Variants in DENND1A observed in about 807,000 individuals in gnomAD.
The protein encoded by DENND1A is DENN domain containing 1A, also known as DENN domain-containing protein 1A.
DENND1A carries 51 observed loss-of-function variants against 113.7 expected under a neutral mutation model. The ratio of observed to expected loss-of-function variants is 0.45; its 90% CI spans 0.36 to 0.57. DENND1A has a LOEUF of 0.57. Ranked by LOEUF, DENND1A falls within the 20% of genes least tolerant of loss-of-function variation. DENND1A has a pLI of 0.00. For missense variants in DENND1A, 1,258 were observed against 1,395.9 expected (o/e 0.90, Z 1.57); for synonymous variants, 565 against 570.8 (o/e 0.99, Z 0.14).
At chr9:123,762,213 A>G (rs992852608) in intron 4 of DENND1A, among the ~76,000 whole-genome samples, 1 of 152,202 alleles carries the variant, frequency 6.6e-6, no homozygotes, top group Non-Finnish European at 1.5e-5. Flanking sequence ...ACAAAAAACC[A>G]TATTTTTCAC....
intron 8 of DENND1A, among the ~76,000 whole-genome samples, chr9:123,658,488 G>A (rs2139622405): frequency 6.6e-6 from 1 of 152,214 alleles, no homozygotes; most frequent in South Asian, 2.1e-4. Flanking sequence ...ACCCTGATGA[G>A]CAATTACAGA....
intron 1 of DENND1A, among the ~76,000 whole-genome samples, chr9:123,882,498 TCTA>T (rs1848462186): frequency 6.6e-6 from 1 of 152,056 alleles, no homozygotes; most frequent in African/African-American, 2.4e-5. Context: ...ATCAGAAAAT[TCTA>T]CTGATTCTAC....
intron 5 of DENND1A, among the ~76,000 whole-genome samples, chr9:123,757,386 A>T (rs1199366294): frequency 6.6e-6 from 1 of 152,206 alleles, no homozygotes; most frequent in Non-Finnish European, 1.5e-5. Flanking sequence ...AGAAAGTCTA[A>T]CAGGCTAATT....
At chr9:123,779,093 GT>G (rs1205284326) in intron 3 of DENND1A, among the ~76,000 whole-genome samples, 1 of 152,174 alleles carries the variant, frequency 6.6e-6, no homozygotes, top group African/African-American at 2.4e-5. Context: ...AGGTCCATGG[GT>G]TTTCTTGACA....
At chr9:123,413,522 G>A (rs1030795634) in intron 19 of DENND1A, 1 of 985,468 alleles carries the variant, frequency 1.0e-6, no homozygotes, top group Non-Finnish European at 1.2e-6. Flanking sequence ...GGCAGGGCCT[G>A]TGTCCCAGTT....
intron 5 of DENND1A, among the ~76,000 whole-genome samples, chr9:123,721,695 G>T (rs1047169556): frequency 1.3e-5 from 2 of 152,198 alleles, no homozygotes; most frequent in African/African-American, 4.8e-5. Flanking sequence ...CTATAAAAAT[G>T]GGAGTTTCCC....
intron 13 of DENND1A, among the ~76,000 whole-genome samples, chr9:123,509,268 A>C (rs1032099032): frequency 6.6e-6 from 1 of 152,256 alleles, no homozygotes; most frequent in Non-Finnish European, 1.5e-5. Flanking sequence ...AAGACTTCGC[A>C]GAAGACGTTC....
At chr9:123,795,677 T>C (rs1833658621) in intron 2 of DENND1A, among the ~76,000 whole-genome samples, 3 of 152,218 alleles carry the variant, frequency 2.0e-5, no homozygotes. Context: ...GAAAATAACA[T>C]ACACTGGAAA....
At chr9:123,915,365 A>T (rs1035446018) in intron 1 of DENND1A, among the ~76,000 whole-genome samples, 1 of 152,108 alleles carries the variant, frequency 6.6e-6, no homozygotes, top group Non-Finnish European at 1.5e-5. Context: ...GAATTAACCA[A>T]AAGACAAATC....
At chr9:123,837,911 C>T (rs1841278722) in intron 2 of DENND1A, among the ~76,000 whole-genome samples, 1 of 152,166 alleles carries the variant, frequency 6.6e-6, no homozygotes, top group Non-Finnish European at 1.5e-5. Context: ...TTCTTTCATT[C>T]CTCCTATGAA....
At chr9:123,463,222 G>A (rs2048675015) in intron 13 of DENND1A, among the ~76,000 whole-genome samples, 1 of 152,186 alleles carries the variant, frequency 6.6e-6, no homozygotes, top group Non-Finnish European at 1.5e-5. Context: ...CTGAAGGACA[G>A]TAAAACACAG....
chr9:123,429,533 T>C (rs1021632438), intron 19 of DENND1A, among the ~76,000 whole-genome samples: 5 of 152,066 alleles, frequency 3.3e-5, no homozygotes, highest in African/African-American at 1.2e-4. Flanking sequence ...CCAGCCTGGG[T>C]GACACAGCAA....
chr9:123,891,817 T>C (rs1849945529), intron 1 of DENND1A, among the ~76,000 whole-genome samples: 1 of 152,078 alleles, frequency 6.6e-6, no homozygotes, highest in Non-Finnish European at 1.5e-5. Context: ...TCCATCCTTC[T>C]CTCGAACAAT....
chr9:123,468,225 A>G (rs2049113172), intron 13 of DENND1A, among the ~76,000 whole-genome samples: 1 of 152,120 alleles, frequency 6.6e-6, no homozygotes, highest in African/African-American at 2.4e-5. Flanking sequence ...TGTCACATGT[A>G]ATGTGGGTAG....
chr9:123,655,107 C>T (rs577911369), intron 8 of DENND1A, among the ~76,000 whole-genome samples: 1 of 152,330 alleles, frequency 6.6e-6, no homozygotes, highest in African/African-American at 2.4e-5. Flanking sequence ...CTTGAGGACA[C>T]CCGCTTACTT....
chr9:123,722,414 T>C (rs762540077), intron 5 of DENND1A, among the ~76,000 whole-genome samples: 2 of 152,186 alleles, frequency 1.3e-5, no homozygotes, highest in Non-Finnish European at 2.9e-5. Context: ...CTGCAGAAAT[T>C]TGCATAAACG....
chr9:123,502,754 T>C (rs1031829171), intron 13 of DENND1A, among the ~76,000 whole-genome samples: 16 of 152,258 alleles, frequency 1.1e-4, no homozygotes, highest in African/African-American at 3.9e-4. Context: ...AAGAAGCCAT[T>C]GCTAAAACCA....
chr9:123,602,390 T>C (rs1230670973), intron 11 of DENND1A, among the ~76,000 whole-genome samples: 3 of 152,242 alleles, frequency 2.0e-5, no homozygotes, highest in Admixed American at 1.3e-4. Flanking sequence ...ATATTTTTGA[T>C]CTGTGGTTGG....
intron 5 of DENND1A, among the ~76,000 whole-genome samples, chr9:123,738,859 A>G (rs1398456512): frequency 6.6e-6 from 1 of 152,216 alleles, no homozygotes; most frequent in Non-Finnish European, 1.5e-5. Context: ...ACAGAGCTTG[A>G]AATTGAGCAA....
Sources: allele counts gnomAD v4.1 joint callset (sites outside exome capture counted in the v4.1 genomes callset), GRCh38; gene constraint gnomAD v4.1.1; transcripts MANE v1.5; gene names NCBI Gene and HGNC (gene_info 2026-07-23, HGNC 2026-07-21).